Variants in AMOT observed in about 807,000 individuals in gnomAD.
The protein encoded by AMOT is angiomotin.
In AMOT, 11 loss-of-function variants were observed where a neutral mutation model predicts 67.0. That is an observed-to-expected ratio of 0.16 (90% confidence interval 0.10 to 0.27). AMOT has a LOEUF of 0.27. Ranked by LOEUF, AMOT falls within the 10% of genes least tolerant of loss-of-function variation. AMOT has a pLI of 1.00. For missense variants in AMOT, 753 were observed against 852.0 expected (o/e 0.88, Z 1.45); for synonymous variants, 326 against 321.4 (o/e 1.01, Z -0.15).
At position 112,805,045 on chromosome X, in the gene AMOT, T is replaced by A. The variant is rs777872415; in HGVS notation, c.1678A>T (p.Thr560Ser). 6 of 1,211,984 alleles carry A rather than the reference T, an allele frequency of 5.0e-6. No homozygotes were observed. The South Asian group carries it at 8.8e-5, about 18-fold the overall frequency. Residue 560 changes from threonine (T) to serine (S), a missense_variant, in exon 8 of 14, where the codon ACT (threonine) becomes TCT (serine). Coordinates refer to ENST00000371959, the MANE Select transcript of AMOT (RefSeq NM_001113490.2). ...EKEKLEAELA[T>S]ARSTNEDQRR... ...TGGTCCTCATTGGTAGAACGGGCAGTGGCCAGCTCCGCTTCCAGCTTCTCC... is the reference window on the plus strand; with the variant it reads ...TGGTCCTCATTGGTAGAACGGGCAGAGGCCAGCTCCGCTTCCAGCTTCTCC...
intron 8 of AMOT, 146 bp downstream of exon 8, chrX:112,804,801 T>A: frequency 1.2e-6 from 1 of 800,423 alleles, no homozygotes; most frequent in Non-Finnish European, 1.8e-6. Context: ...TCCACTCACA[T>A]CAGCACAGTG....
chrX:112,824,665 G>A (rs776930126), intron 3 of AMOT, among the ~76,000 whole-genome samples: 9 of 111,106 alleles, frequency 8.1e-5, no homozygotes, highest in Non-Finnish European at 1.1e-4. Flanking sequence ...TATTCTCTTG[G>A]GAAGTGCACA....
rs1397758973 is a variant in AMOT at position 112,825,236 on chromosome X, G to A, written c.-211-16C>T. On this transcript the variant is annotated splice_polypyrimidine_tract_variant and intron_variant, in intron 2 of 13. Coordinates refer to ENST00000371959, the MANE Select transcript of AMOT (RefSeq NM_001113490.2). ...ACTGGTCACTCTGAAATGTTCAGGA[G>A]AGGGAGGGAGGGAGAAATAAAAACG... The A allele has an allele frequency of 9.0e-6, 1 of 111,479 alleles. No homozygotes were observed. Among genetic ancestry groups the A allele is most frequent in the African/African-American group, 3.3e-5 (1 of 30,635 alleles). 9.2% of individuals were successfully genotyped at this position (111,479 alleles called of 1,213,427 possible). A position where few individuals can be genotyped will look rare whatever the true frequency, so the allele number is the denominator to read the frequency against.
At chrX:112,786,050 C>G (rs1933353366) in intron 10 of AMOT, among the ~76,000 whole-genome samples, 1 of 111,772 alleles carries the variant, frequency 8.9e-6, no homozygotes, top group Non-Finnish European at 1.9e-5. Context: ...AAAGTTCTAA[C>G]TTTAATTTTA....
chrX:112,826,538 A>G (rs1569405774), intron 2 of AMOT, among the ~76,000 whole-genome samples: 1 of 112,071 alleles, frequency 8.9e-6, no homozygotes, highest in Non-Finnish European at 1.9e-5. Flanking sequence ...CCTAATTTTG[A>G]AGCAGAGGAA....
chrX:112,833,479 G>GA lies in AMOT; in HGVS notation c.-288-1110_-288-1109insT, dbSNP rs1491153397. Among the ~76,000 whole-genome samples the GA allele has an allele frequency of 1.5e-3, 62 of 40,374 alleles. 1 individual carries two copies. The highest frequency in any genetic ancestry group is 2.1e-3 in the Non-Finnish European group (54 of 25,265). 35.1% of individuals were successfully genotyped at this position (40,374 alleles called of 115,157 possible). The stretch of plus-strand genomic sequence containing the variant: ...CAGACAGAATGTTCCTGGGAGTAAA[G>GA]GGGGGGGGGGGGTCATCAAAATTTT... On this transcript the variant is annotated intron_variant, in intron 1 of 13. Transcript: ENST00000371959.
intron 8 of AMOT, among the ~76,000 whole-genome samples, chrX:112,801,182 C>G: frequency 9.0e-6 from 1 of 111,638 alleles, no homozygotes; most frequent in South Asian, 3.8e-4. Flanking sequence ...AGAGGATATG[C>G]CAGACATCCA....
At chrX:112,827,653 A>G (rs1934877129) in intron 2 of AMOT, among the ~76,000 whole-genome samples, 1 of 111,980 alleles carries the variant, frequency 8.9e-6, no homozygotes, top group South Asian at 3.7e-4. Context: ...ACAGGGAAGC[A>G]AGGCCAAGCT....
Position 112,822,438 on chromosome X carries a change from A to G in AMOT, c.689T>C (p.Leu230Pro). 1.7e-6 allele frequency: 2 copies of G among 1,167,739 alleles called. No homozygotes were observed. The highest frequency in any genetic ancestry group is 5.2e-5 in the Admixed American group (2 of 38,747). Residue 230 changes from leucine (L) to proline (P), a missense_variant, in exon 4 of 14, where the codon CTG (leucine) becomes CCG (proline). By Grantham distance (98) the Leu-to-Pro change is moderately conservative (BLOSUM62 -3). Around this residue, in one of 5 missense-constraint regions of AMOT, gnomAD observed 297 missense variants for 284.3 expected, o/e 1.04. Transcript: ENST00000371959. ...AQGPLPNQHS[L>P]KGMEHRGPPP... ...GGGGCCTCGGTGTTCCATGCCCTTC[A>G]GGCTATGCTGGTTAGGAAGTGGCCC...
intron 13 of AMOT, 54 bp downstream of exon 13, chrX:112,778,943 C>T: frequency 9.2e-7 from 1 of 1,081,577 alleles, no homozygotes; most frequent in Non-Finnish European, 1.3e-6. Flanking sequence ...AGAAATAAAT[C>T]TGTATTTGAG....
chrX:112,835,276 C>A (rs1214366701), intron 1 of AMOT, among the ~76,000 whole-genome samples: 2 of 111,459 alleles, frequency 1.8e-5, no homozygotes, highest in African/African-American at 6.5e-5. Context: ...AAAACCAGAT[C>A]CTGGCTTCAA....
intron 2 of AMOT, among the ~76,000 whole-genome samples, chrX:112,825,454 G>A (rs1000900287): frequency 2.7e-5 from 3 of 111,652 alleles, no homozygotes; most frequent in Non-Finnish European, 5.6e-5. Context: ...AAATGTTCAG[G>A]TCTGAGACTT....
chrX:112,812,186 C>T (rs1341210949), intron 5 of AMOT, among the ~76,000 whole-genome samples: 1 of 111,740 alleles, frequency 8.9e-6, no homozygotes, highest in Non-Finnish European at 1.9e-5. Flanking sequence ...CATTTACAGT[C>T]AGATCCTGAA....
intron 4 of AMOT, among the ~76,000 whole-genome samples, chrX:112,819,825 C>T (rs1934668147): frequency 8.9e-6 from 1 of 112,721 alleles, no homozygotes; most frequent in African/African-American, 3.2e-5. Flanking sequence ...GTTTTCTTAA[C>T]AGCAATTTGT....
chrX:112,793,702 A>C (rs1287758088), intron 8 of AMOT, among the ~76,000 whole-genome samples: 2 of 112,160 alleles, frequency 1.8e-5, no homozygotes, highest in African/African-American at 3.2e-5. Flanking sequence ...TTCCAAGTCT[A>C]GTTCAATCTA....
chrX:112,831,444 GCAA>G (rs1237955562), intron 2 of AMOT, among the ~76,000 whole-genome samples: 5 of 83,598 alleles, frequency 6.0e-5, no homozygotes, highest in African/African-American at 2.3e-4. Flanking sequence ...GCCTAGGGTG[GCAA>G]TAAATAAATA....
At position 112,778,888 on chromosome X, in the gene AMOT, A is replaced by C; in HGVS notation, c.3157+109T>G. 7 of 891,121 alleles carry C rather than the reference A, an allele frequency of 7.9e-6. No homozygotes were observed. The South Asian group carries it at 1.7e-4, about 21-fold the overall frequency. 73.4% of individuals were successfully genotyped at this position (891,121 alleles called of 1,213,427 possible). On this transcript the variant is annotated intron_variant, in intron 13 of 13. Transcript: ENST00000371959. ...TCTCTTCTCTCTCCTTTAGAACGTG[A>C]AAAACTCAGTCCAAATGATAACTCT...
intron 8 of AMOT, among the ~76,000 whole-genome samples, chrX:112,794,140 T>C (rs772929353): frequency 1.8e-5 from 2 of 112,106 alleles, no homozygotes; most frequent in South Asian, 3.7e-4. Context: ...CTTGCCTTGG[T>C]GGTAAACTAC....
At chrX:112,809,634 G>A (rs1934292901) in intron 7 of AMOT, among the ~76,000 whole-genome samples, 3 of 110,900 alleles carry the variant, frequency 2.7e-5, no homozygotes, top group African/African-American at 1.0e-4. Flanking sequence ...AATGACACTA[G>A]CAGGGATTTC....
Sources: gnomAD v4.1 joint callset for allele counts (sites outside exome capture counted in the v4.1 genomes callset) on GRCh38, gnomAD v4.1.1 for gene constraint, gnomAD v4.1.1 regional missense constraint, MANE v1.5 for transcripts, NCBI Gene and HGNC (gene_info 2026-07-23, HGNC 2026-07-21) for gene names.